FBXL17: variants seen among roughly 807,000 people sequenced by gnomAD.
The protein encoded by FBXL17 is F-box and leucine rich repeat protein 17.
Under a neutral mutation model 66.2 loss-of-function variants are expected in FBXL17, and 22 were observed. The observed-to-expected ratio is 0.33, with a 90% CI of 0.24 to 0.47. The LOEUF is 0.47. Ranked by LOEUF, FBXL17 falls within the 20% of genes least tolerant of loss-of-function variation. The probability of loss-of-function intolerance (pLI) is 1.00; values close to 1 mark genes in which losing one functional copy is unlikely to be tolerated. For synonymous variants in FBXL17, 474 were observed against 400.5 expected, an observed-to-expected ratio of 1.18 and a Z score of -2.19; for missense variants, 878 against 948.2, an observed-to-expected ratio of 0.93 and a Z score of 0.97.
rs963053234 is a variant in FBXL17, at chr5:107,860,488, G to C, written c.*1232C>G. ...CAAAACATATATTCATTTACTGATA[G>C]GTCTTGTCTTAACTGAAGCTGGCAA... On this transcript the variant is annotated 3_prime_UTR_variant, in exon 9 of 9. Transcript: ENST00000542267. 9.8e-5 allele frequency: 15 copies of C among 152,612 alleles called. No homozygotes were observed. The highest frequency in any genetic ancestry group is 3.4e-4 in the African/African-American group (14 of 41,434). The allele number at this position is 152,612 out of a possible 1,614,324, so 9.5% of individuals were successfully genotyped here.
At position 107,937,999 on chromosome 5, in the gene FBXL17, C is replaced by G. The variant is rs150764114; in HGVS notation, c.1823-56820G>C. Among the ~76,000 whole-genome samples the G allele has an allele frequency of 3.2e-3, 483 of 152,272 alleles. 2 individuals are homozygous for G. The highest frequency in any genetic ancestry group is 0.011 in the African/African-American group (469 of 41,554). Reference sequence around the variant, plus strand: ...ACCTGAACTGACCACATCTGATTATCTGCACAATTTCATCAGCATCACATG... The same window carrying G: ...ACCTGAACTGACCACATCTGATTATGTGCACAATTTCATCAGCATCACATG... On this transcript the variant is annotated intron_variant, in intron 7 of 8. Transcript: ENST00000542267.
intron 4 of FBXL17, among the ~76,000 whole-genome samples, chr5:108,344,390 A>G (rs1287108226): frequency 6.6e-6 from 1 of 152,192 alleles, no homozygotes; most frequent in Non-Finnish European, 1.5e-5. Flanking sequence ...ATTTCCCTAT[A>G]ATCATTTCCC....
intron 7 of FBXL17, among the ~76,000 whole-genome samples, chr5:107,925,129 A>T (rs1317871043): frequency 2.0e-5 from 3 of 152,244 alleles, no homozygotes; most frequent in African/African-American, 7.2e-5. Flanking sequence ...GAAAGAGCTG[A>T]TCAAATAGTG....
At chr5:108,311,166 A>G (rs7706175) in intron 4 of FBXL17, among the ~76,000 whole-genome samples, 7,575 of 151,640 alleles carry the variant, frequency 0.05, 632 homozygotes, top group African/African-American at 0.17. Context: ...ACCTTTTTTT[A>G]TTTTTATTTT....
At chr5:108,170,303 A>C (rs1288627444) in intron 6 of FBXL17, among the ~76,000 whole-genome samples, 1 of 152,162 alleles carries the variant, frequency 6.6e-6, no homozygotes, top group Non-Finnish European at 1.5e-5. Context: ...CAAGCAAGAA[A>C]ATCTGAGGCA....
intron 5 of FBXL17, among the ~76,000 whole-genome samples, chr5:108,212,158 G>A (rs1580624006): frequency 6.6e-6 from 1 of 152,138 alleles, no homozygotes; most frequent in African/African-American, 2.4e-5. Context: ...TTCTCATACT[G>A]TGTTTTTCAG....
chr5:107,913,593 A>G (rs1750023580), intron 7 of FBXL17, among the ~76,000 whole-genome samples: 1 of 151,868 alleles, frequency 6.6e-6, no homozygotes, highest in African/African-American at 2.4e-5. Context: ...TTGAACTTTA[A>G]GTGAAGTAGG....
intron 1 of FBXL17, among the ~76,000 whole-genome samples, chr5:108,377,811 A>C (rs894374007): frequency 6.6e-6 from 1 of 152,204 alleles, no homozygotes; most frequent in African/African-American, 2.4e-5. Context: ...GATGGCCTAG[A>C]TCATTTTTTA....
intron 6 of FBXL17, among the ~76,000 whole-genome samples, chr5:108,155,504 G>A (rs1254453421): frequency 1.3e-5 from 2 of 152,046 alleles, no homozygotes; most frequent in East Asian, 3.9e-4. Flanking sequence ...GACAGAGCAA[G>A]ACTCCGTCTC....
At chr5:108,023,821 G>C (rs1045451328) in intron 6 of FBXL17, among the ~76,000 whole-genome samples, 3 of 152,090 alleles carry the variant, frequency 2.0e-5, no homozygotes, top group Admixed American at 1.3e-4. Context: ...AAGTTAAGAG[G>C]CATTTATAAA....
chr5:108,064,988 T>C (rs984599147), intron 6 of FBXL17, among the ~76,000 whole-genome samples: 6 of 152,138 alleles, frequency 3.9e-5, no homozygotes, highest in Non-Finnish European at 4.4e-5. Context: ...GCATTACATA[T>C]AAAAGCTACA....
chr5:108,177,932 T>TATATATACAC (rs1242739302), intron 6 of FBXL17, among the ~76,000 whole-genome samples: 49 of 126,880 alleles, frequency 3.9e-4, no homozygotes, highest in Non-Finnish European at 7.0e-4. Flanking sequence ...TATATATATA[T>TATATATACAC]ACACACACAC....
intron 5 of FBXL17, among the ~76,000 whole-genome samples, chr5:108,223,446 A>AATTTATACAGTAACAAATTTCAG (rs6149166): frequency 0.055 from 8,412 of 152,138 alleles, 782 homozygotes; most frequent in African/African-American, 0.19. Flanking sequence ...ATAGAACTGA[A>AATTTATACAGTAACAAATTTCAG]ATTTATACAG....
At chr5:107,980,664 A>ATATATATATATATATATATATTTTTTTTT in intron 7 of FBXL17, among the ~76,000 whole-genome samples, 1 of 62,074 alleles carries the variant, frequency 1.6e-5, no homozygotes, top group Non-Finnish European at 2.7e-5. Flanking sequence ...ATATATATAT[A>ATATATATATATATATATATATTTTTTTTT]TTTTTTTTTT....
At chr5:108,078,797 T>A (rs1748650836) in intron 6 of FBXL17, among the ~76,000 whole-genome samples, 1 of 152,178 alleles carries the variant, frequency 6.6e-6, no homozygotes, top group South Asian at 2.1e-4. Context: ...TTCTGTAACC[T>A]CAAGATATTA....
chr5:108,058,476 T>A (rs1747799916), intron 6 of FBXL17, among the ~76,000 whole-genome samples: 1 of 151,900 alleles, frequency 6.6e-6, no homozygotes, highest in African/African-American at 2.4e-5. Flanking sequence ...TCTCTCCTTT[T>A]CTTTCTTTCT....
chr5:108,310,618 G>C (rs1477472440), intron 4 of FBXL17, among the ~76,000 whole-genome samples: 1 of 152,052 alleles, frequency 6.6e-6, no homozygotes, highest in Non-Finnish European at 1.5e-5. Flanking sequence ...AGAACTTTGA[G>C]ATATTTTTTA....
At chr5:108,039,790 T>G (rs1256981038) in intron 6 of FBXL17, among the ~76,000 whole-genome samples, 1 of 152,076 alleles carries the variant, frequency 6.6e-6, no homozygotes, top group Admixed American at 6.6e-5. Context: ...AAGACATATT[T>G]TGTTATAGGT....
chr5:107,931,263 T>TTA (rs1561326343), intron 7 of FBXL17, among the ~76,000 whole-genome samples: 11 of 151,418 alleles, frequency 7.3e-5, no homozygotes, highest in South Asian at 2.1e-4. Flanking sequence ...GAGAATTTTT[T>TTA]TTTTTTTTTT....
Sources: allele counts gnomAD v4.1 joint callset (sites outside exome capture counted in the v4.1 genomes callset), GRCh38; gene constraint gnomAD v4.1.1; transcripts MANE v1.5; gene names NCBI Gene and HGNC (gene_info 2026-07-23, HGNC 2026-07-21).